Variants in CD5 observed in about 807,000 individuals in gnomAD.
CD5 encodes the protein T-cell surface glycoprotein CD5.
Under a neutral mutation model 60.3 loss-of-function variants are expected in CD5, and 36 were observed. The ratio of observed to expected loss-of-function variants is 0.60; its 90% CI spans 0.46 to 0.79. The LOEUF is 0.79. CD5 is among the 30% of genes least tolerant of loss of function. The pLI is 0.00. For missense variants in CD5, 540 were observed against 630.6 expected, an observed-to-expected ratio of 0.86 and a Z score of 1.54; for synonymous variants, 230 against 257.6, an observed-to-expected ratio of 0.89 and a Z score of 1.03.
chr11:61,100,036 GACATGGAGATCACACACACACATCA>G (rs1860641176), upstream of CD5, among the ~76,000 whole-genome samples: 1 of 78,424 alleles, frequency 1.3e-5, no homozygotes, highest in Non-Finnish European at 2.5e-5. Context: ...ACACACACAC[GACATGGAGATCACACACACACATCA>G]ACATGGAGAT....
chr11:61,116,543 ACACACACACCACACACAC>A (rs1328487529), intron 2 of CD5, among the ~76,000 whole-genome samples: 4 of 87,984 alleles, frequency 4.5e-5, no homozygotes, highest in African/African-American at 4.7e-5. Context: ...CCCACACCAC[ACACACACACCACACACAC>A]CACACACACA....
intron 1 of CD5, among the ~76,000 whole-genome samples, chr11:61,103,570 G>A (rs1281044896): frequency 6.6e-6 from 1 of 152,122 alleles, no homozygotes; most frequent in Admixed American, 6.5e-5. Context: ...GCATGTGTGT[G>A]AGAACTGTGT....
intron 1 of CD5, among the ~76,000 whole-genome samples, chr11:61,108,598 C>A (rs957910676): frequency 7.9e-5 from 12 of 152,202 alleles, no homozygotes; most frequent in Admixed American, 4.6e-4. Flanking sequence ...GGGCTTCTGA[C>A]CTTTCAAGTC....
rs1861019856 is a variant in CD5 at position 61,119,410 on chromosome 11, C to T, written c.640C>T (p.Pro214Ser). 1.2e-6 allele frequency: 2 copies of T among 1,614,154 alleles called. No individual in the cohort carries two copies. The highest frequency in any genetic ancestry group is 8.5e-7 in the Non-Finnish European group (1 of 1,180,008). The change falls in exon 5 of 11, where the codon CCA (proline) becomes TCA (serine). Residue 214 changes from proline (P) to serine (S), a missense_variant. Physicochemically the swap from Pro to Ser is moderately conservative, Grantham distance 74. Transcript: ENST00000347785. ...LQCGSFLKHL[P>S]ETEAGRAQDP... Reference sequence around the variant, plus strand: ...GTGTGGCTCCTTCTTGAAGCATCTGCCAGAGACTGAGGCAGGCAGAGCCCA... The same window carrying T: ...GTGTGGCTCCTTCTTGAAGCATCTGTCAGAGACTGAGGCAGGCAGAGCCCA...
intron 1 of CD5, among the ~76,000 whole-genome samples, chr11:61,114,015 C>T (rs1399502305): frequency 6.6e-6 from 1 of 152,042 alleles, no homozygotes; most frequent in African/African-American, 2.4e-5. Flanking sequence ...GGAGCTCAAA[C>T]TTTTTTGAGT....
upstream of CD5, among the ~76,000 whole-genome samples, chr11:61,099,510 C>T (rs1860628868): frequency 6.7e-6 from 1 of 149,644 alleles, no homozygotes. Context: ...ATCACACACA[C>T]ACATCAACAT....
intron 4 of CD5, 83 bp downstream of exon 4, chr11:61,119,060 C>A: frequency 7.6e-7 from 1 of 1,315,366 alleles, no homozygotes; most frequent in Non-Finnish European, 1.1e-6. Context: ...GAATTTCTGA[C>A]AAAGGTGGAA....
intron 1 of CD5, among the ~76,000 whole-genome samples, chr11:61,112,605 C>T (rs1860873063): frequency 6.6e-6 from 1 of 151,910 alleles, no homozygotes; most frequent in African/African-American, 2.4e-5. Context: ...GATCATGCCA[C>T]TGCATTCCAG....
chr11:61,125,898 T>G (rs1590777350), intron 10 of CD5, 57 bp downstream of exon 10: 1 of 1,225,582 alleles, frequency 8.2e-7, no homozygotes, highest in Non-Finnish European at 1.1e-6. Flanking sequence ...GTCCTGGGGG[T>G]GAGCAGCAGC....
the CD5 span, among the ~76,000 whole-genome samples, chr11:61,095,646 A>T: frequency 6.6e-6 from 1 of 152,210 alleles, no homozygotes; most frequent in Non-Finnish European, 1.5e-5. Context: ...GCTGCCAGGA[A>T]CAGACCCCCA....
At chr11:61,122,771 C>G (rs1453650169) in intron 6 of CD5, 136 bp from the exon 7 acceptor site, 3 of 925,494 alleles carry the variant, frequency 3.2e-6, no homozygotes, top group Non-Finnish European at 3.2e-6. Context: ...CCAAATAGAT[C>G]ATTGCCTTCC....
At chr11:61,112,296 G>A (rs1179594537) in intron 1 of CD5, among the ~76,000 whole-genome samples, 2 of 151,784 alleles carry the variant, frequency 1.3e-5, no homozygotes, top group Non-Finnish European at 2.9e-5. Context: ...GATTTCTCTC[G>A]CTAGCTGGAC....
chr11:61,098,423 A>G (rs1860610623), upstream of CD5, among the ~76,000 whole-genome samples: 1 of 152,182 alleles, frequency 6.6e-6, no homozygotes, highest in Admixed American at 6.5e-5. Flanking sequence ...ATACTGTCTT[A>G]TGCCCAATTT....
chr11:61,107,532 G>A (rs558790270), intron 1 of CD5, among the ~76,000 whole-genome samples: 58 of 152,308 alleles, frequency 3.8e-4, no homozygotes, highest in African/African-American at 1.3e-3. Context: ...AGCACCCTGC[G>A]TTCAACACAT....
upstream of CD5, among the ~76,000 whole-genome samples, chr11:61,100,169 TACAC>T (rs201705710): frequency 5.5e-5 from 4 of 73,170 alleles, no homozygotes; most frequent in African/African-American, 1.2e-4. Flanking sequence ...ACATGGAGAT[TACAC>T]ACACACATCA....
intron 2 of CD5, among the ~76,000 whole-genome samples, chr11:61,117,053 TTA>T (rs1022370839): frequency 1.3e-5 from 2 of 152,264 alleles, no homozygotes; most frequent in African/African-American, 4.8e-5. Flanking sequence ...CACAGCAGCC[TTA>T]TTCATAGTAG....
chr11:61,125,693 T>C, intron 9 of CD5, 58 bp from the exon 10 acceptor site: 2 of 1,271,772 alleles, frequency 1.6e-6, no homozygotes, highest in East Asian at 2.4e-5. Flanking sequence ...GGCTCTAGGA[T>C]CCAAGGGGCT....
At chr11:61,114,981 T>C in intron 1 of CD5, 75 bp from the exon 2 acceptor site, 1 of 1,421,172 alleles carries the variant, frequency 7.0e-7, no homozygotes, top group Non-Finnish European at 9.7e-7. Context: ...TTGCTCGGGC[T>C]GTGGGTGGGT....
intron 2 of CD5, among the ~76,000 whole-genome samples, chr11:61,117,206 A>G (rs1860978878): frequency 6.6e-6 from 1 of 152,228 alleles, no homozygotes; most frequent in African/African-American, 2.4e-5. Context: ...TGCTAAGCGA[A>G]AAAAGCCAAA....
Sources: gnomAD v4.1 joint callset for allele counts (sites outside exome capture counted in the v4.1 genomes callset) on GRCh38, gnomAD v4.1.1 for gene constraint, MANE v1.5 for transcripts, NCBI Gene and HGNC (gene_info 2026-07-23, HGNC 2026-07-21) for gene names.